The following EIF3J variants were observed in gnomAD, a reference collection of about 807,000 sequenced individuals.
EIF3J encodes eukaryotic translation initiation factor 3 subunit J.
In EIF3J, 15 loss-of-function variants were observed where a neutral mutation model predicts 39.0. The observed-to-expected ratio is 0.38, with a 90% CI of 0.26 to 0.59. The LOEUF (loss-of-function observed/expected upper bound fraction) is 0.59. EIF3J is among the 20% of genes least tolerant of loss of function. EIF3J has a pLI of 0.60. For missense variants in EIF3J, 226 were observed against 308.6 expected, an observed-to-expected ratio of 0.73 and a Z score of 2.00; for synonymous variants, 98 against 112.9, an observed-to-expected ratio of 0.87 and a Z score of 0.84.
chr15:44,561,012 CT>C lies in EIF3J; in HGVS notation c.646-3del, dbSNP rs1365404943. 6 of 1,612,634 alleles carry C rather than the reference CT, an allele frequency of 3.7e-6. No homozygotes were observed. The Admixed American group carries it at 8.3e-5, about 22-fold the overall frequency. On this transcript the variant is annotated splice_polypyrimidine_tract_variant and splice_region_variant and intron_variant, in intron 7 of 7. Transcript: ENST00000261868. Reference sequence around the variant, plus strand: ...GGTTCATGAATTAACTCTCTTTCATCTTTAGCAAAGCAAAGCCAAAAAGAAG... The same window carrying C: ...GGTTCATGAATTAACTCTCTTTCATCTTAGCAAAGCAAAGCCAAAAAGAAG...
chr15:44,557,447 C>G (rs2082154399), intron 5 of EIF3J, 42 bp from the exon 6 acceptor site: 9 of 1,424,828 alleles, frequency 6.3e-6, no homozygotes, highest in Non-Finnish European at 8.3e-6. Context: ...TTTTAAAAAT[C>G]CTAACCTCCT....
chr15:44,556,420 C>T (rs1406793834), intron 5 of EIF3J, among the ~76,000 whole-genome samples: 1 of 151,932 alleles, frequency 6.6e-6, no homozygotes, highest in African/African-American at 2.4e-5. Context: ...TAGCTCACTG[C>T]AGCCTCAAAC....
chr15:44,557,768 G>C (rs1242737813), intron 6 of EIF3J, 118 bp downstream of exon 6: 3 of 699,926 alleles, frequency 4.3e-6, no homozygotes, highest in Admixed American at 3.9e-5. Context: ...ATGATTTGCT[G>C]TTTTTAGCAA....
intron 6 of EIF3J, among the ~76,000 whole-genome samples, chr15:44,559,790 G>A (rs1189606951): frequency 6.6e-6 from 1 of 152,082 alleles, no homozygotes; most frequent in Non-Finnish European, 1.5e-5. Flanking sequence ...TTAATGGAAG[G>A]GCATGTTATC....
Position 44,560,288 on chromosome 15 carries a change from CTG to C in EIF3J, c.614_615del (p.Val205AlafsTer4). 1 of 1,609,952 alleles carries C rather than the reference CTG, an allele frequency of 6.2e-7. No homozygotes were observed. The highest frequency in any genetic ancestry group is 8.5e-7 in the Non-Finnish European group (1 of 1,178,662). ...TTGAAAAAAATTACCAATTCACTGA[CTG>C]TGCTTTGCAGTGAAAAACAGAAGCA... On this transcript the variant is annotated frameshift_variant, in exon 7 of 8. Coordinates refer to ENST00000261868, the MANE Select transcript of EIF3J (RefSeq NM_003758.4). LOFTEE classifies it high-confidence loss of function.
chr15:44,537,793 G>A (rs377645317), intron 2 of EIF3J, among the ~76,000 whole-genome samples: 1 of 152,212 alleles, frequency 6.6e-6, no homozygotes, highest in Non-Finnish European at 1.5e-5. Context: ...CATATGGAAA[G>A]CCTTGAGACT....
chr15:44,540,267 A>T (rs12441063), intron 2 of EIF3J, among the ~76,000 whole-genome samples: 296 of 61,402 alleles, frequency 4.8e-3, no homozygotes, highest in Middle Eastern at 0.011. Context: ...ATATATATAT[A>T]TTTTTTTTTT....
At chr15:44,557,451 A>G in intron 5 of EIF3J, 38 bp from the exon 6 acceptor site, 1 of 1,441,314 alleles carries the variant, frequency 6.9e-7, no homozygotes, top group Non-Finnish European at 9.2e-7. Flanking sequence ...AAAAATCCTA[A>G]CCTCCTGATA....
chr15:44,556,991 ATACT>A (rs763106233), intron 5 of EIF3J, among the ~76,000 whole-genome samples: 3 of 152,218 alleles, frequency 2.0e-5, no homozygotes, highest in Non-Finnish European at 4.4e-5. Flanking sequence ...AATGAATAAA[ATACT>A]TATTTATAAA....
At chr15:44,544,837 C>T (rs2082041034) in intron 2 of EIF3J, among the ~76,000 whole-genome samples, 1 of 151,906 alleles carries the variant, frequency 6.6e-6, no homozygotes, top group South Asian at 2.1e-4. Flanking sequence ...AACCCGGTCT[C>T]TACTAAAAAC....
chr15:44,553,363 GC>G (rs1229335926), intron 4 of EIF3J, among the ~76,000 whole-genome samples: 3 of 151,866 alleles, frequency 2.0e-5, no homozygotes, highest in Non-Finnish European at 4.4e-5. Context: ...GTGGTGGCGG[GC>G]GCCTGTAGTC....
intron 3 of EIF3J, 123 bp downstream of exon 3, chr15:44,551,053 C>G (rs913921380): frequency 6.4e-6 from 9 of 1,395,856 alleles, no homozygotes; most frequent in Non-Finnish European, 8.5e-6. Context: ...ACCAAGTGTC[C>G]TTCCATTCCC....
chr15:44,551,078 T>C (rs2082095080), intron 3 of EIF3J, 148 bp downstream of exon 3: 2 of 1,323,540 alleles, frequency 1.5e-6, no homozygotes, highest in East Asian at 2.6e-5. Context: ...TATTCTGTTT[T>C]CCCTGCAACT....
chr15:44,552,497 G>A (rs2082107944), intron 4 of EIF3J, among the ~76,000 whole-genome samples: 1 of 151,854 alleles, frequency 6.6e-6, no homozygotes, highest in African/African-American at 2.4e-5. Context: ...TGCCTGCTTC[G>A]ACCTCCCAAA....
chr15:44,537,181 A>G lies in EIF3J; in HGVS notation c.-14A>G, dbSNP rs990164517. On this transcript the variant is annotated 5_prime_UTR_variant, in exon 1 of 8. Coordinates refer to ENST00000261868, the MANE Select transcript of EIF3J (RefSeq NM_003758.4). ...CTAGCTCTCCCTCTCACACACGCTCACACCCGGCTCGAGATGGCGGCGGCG... is the reference window on the plus strand; with the variant it reads ...CTAGCTCTCCCTCTCACACACGCTCGCACCCGGCTCGAGATGGCGGCGGCG... 3.1e-6 allele frequency: 5 copies of G among 1,611,898 alleles called. No individual in the cohort carries two copies. The highest frequency in any genetic ancestry group is 4.2e-6 in the Non-Finnish European group (5 of 1,179,134).
At position 44,562,545 on chromosome 15, in the gene EIF3J, CCTA is replaced by C. The variant is rs1300676522; in HGVS notation, c.*1400_*1402del. 1.3e-5 allele frequency: 2 copies of C among 152,992 alleles called. No individual in the cohort carries two copies. The highest frequency in any genetic ancestry group is 2.9e-5 in the Non-Finnish European group (2 of 68,432). The allele number at this position is 152,992 out of a possible 1,614,324, so 9.5% of individuals were successfully genotyped here. ...AATAGGAACGTCAAAGCTCTGTATACCTACTAAGTGGAAAACAAGACCATCATC... is the reference window on the plus strand; with the variant it reads ...AATAGGAACGTCAAAGCTCTGTATACCTAAGTGGAAAACAAGACCATCATC... On this transcript the variant is annotated 3_prime_UTR_variant, in exon 8 of 8. Coordinates refer to ENST00000261868, the MANE Select transcript of EIF3J (RefSeq NM_003758.4).
At position 44,537,256 on chromosome 15, in the gene EIF3J, GGCAGGGCCCGGGCCGGC is replaced by G. The variant is rs764681244; in HGVS notation, c.43+22_43+38del. 1.9e-6 allele frequency: 3 copies of G among 1,578,882 alleles called. No homozygotes were observed. Among genetic ancestry groups the G allele is most frequent in the Non-Finnish European group, 2.6e-6 (3 of 1,163,200 alleles). On this transcript the variant is annotated intron_variant, in intron 1 of 7. Transcript: ENST00000261868. Reference sequence around the variant, plus strand: ...TCCTGGGGTGAGGAGAAGTTGCTGGGGCAGGGCCCGGGCCGGCGCCGGCCCCACGCAGTGGCAGGCAC... The same window carrying G: ...TCCTGGGGTGAGGAGAAGTTGCTGGGGCCGGCCCCACGCAGTGGCAGGCAC...
At chr15:44,537,265 C>CGGGCCG in intron 1 of EIF3J, 28 bp downstream of exon 1, 1 of 1,572,864 alleles carries the variant, frequency 6.4e-7, no homozygotes, top group South Asian at 1.1e-5. Flanking sequence ...GGGCAGGGCC[C>CGGGCCG]GGGCCGGCGC....
chr15:44,557,754 A>T, intron 6 of EIF3J, 104 bp downstream of exon 6: 1 of 852,794 alleles, frequency 1.2e-6, no homozygotes, highest in Non-Finnish European at 1.6e-6. Context: ...TATAATACAG[A>T]CTCATGATTT....
Sources: gnomAD v4.1 joint callset for allele counts (sites outside exome capture counted in the v4.1 genomes callset) on GRCh38, gnomAD v4.1.1 for gene constraint, MANE v1.5 for transcripts, NCBI Gene and HGNC (gene_info 2026-07-23, HGNC 2026-07-21) for gene names.